DTNB: variants seen among roughly 807,000 people sequenced by gnomAD.
DTNB encodes dystrobrevin beta, also known as DTN-B.
Under a neutral mutation model 90.7 loss-of-function variants are expected in DTNB, and 63 were observed. The ratio of observed to expected loss-of-function variants is 0.69; its 90% CI spans 0.57 to 0.86. The LOEUF is 0.86. DTNB is among the 40% of genes least tolerant of loss of function. The pLI, the probability that DTNB is intolerant of heterozygous loss-of-function variation, is 0.00. For missense variants in DTNB, 744 were observed against 807.1 expected (o/e 0.92, Z 0.95); for synonymous variants, 277 against 286.7 (o/e 0.97, Z 0.34).
chr2:25,493,450 T>C (rs1243156893), intron 9 of DTNB, among the ~76,000 whole-genome samples: 1 of 152,160 alleles, frequency 6.6e-6, no homozygotes, highest in East Asian at 1.9e-4. Context: ...ACCCACCCTA[T>C]AGACTACCTC....
At chr2:25,468,625 A>T (rs894494503) in intron 10 of DTNB, among the ~76,000 whole-genome samples, 2 of 152,242 alleles carry the variant, frequency 1.3e-5, no homozygotes, top group South Asian at 4.1e-4. Flanking sequence ...AGGAGTAACA[A>T]GTTAAATCAG....
At chr2:25,409,938 A>G (rs529878972) in intron 16 of DTNB, among the ~76,000 whole-genome samples, 1 of 152,240 alleles carries the variant, frequency 6.6e-6, no homozygotes, top group South Asian at 2.1e-4. Context: ...GCTATGGGAC[A>G]TAATAGCATG....
In DTNB at chr2:25,432,913, G is replaced by T. The variant is rs762459940; in HGVS notation, c.1430C>A (p.Thr477Lys). 2 of 1,609,272 alleles carry T rather than the reference G, an allele frequency of 1.2e-6. No homozygotes were observed. Among genetic ancestry groups the T allele is most frequent in the East Asian group, 2.2e-5 (1 of 44,852 alleles). The change falls in exon 14 of 21, where the codon ACG becomes AAG. Residue 477 changes from threonine (T) to lysine (K), a missense_variant. Physicochemically the swap from Thr to Lys is moderately conservative, Grantham distance 78. Transcript: ENST00000406818. ...CAGCAGCCGCAGCTCTGCCAGCAGC[G>T]TGGGGTTCTGCTGTGCCTTCTCAGG... ...PTPEKAQQNP[T>K]LLAELRLLRQ...
chr2:25,484,077 T>C (rs2065581623), intron 9 of DTNB, among the ~76,000 whole-genome samples: 1 of 152,150 alleles, frequency 6.6e-6, no homozygotes, highest in Admixed American at 6.5e-5. Flanking sequence ...GGCTACACCA[T>C]ATAGCCTAGG....
chr2:25,606,550 T>C (rs1038319538), intron 5 of DTNB, among the ~76,000 whole-genome samples: 1 of 152,156 alleles, frequency 6.6e-6, no homozygotes, highest in Admixed American at 6.5e-5. Context: ...AAAATACATG[T>C]AAAGCACCTA....
At chr2:25,539,698 G>GT (rs2080741318) in intron 8 of DTNB, among the ~76,000 whole-genome samples, 2 of 149,852 alleles carry the variant, frequency 1.3e-5, no homozygotes, top group South Asian at 4.2e-4. Flanking sequence ...ACTCTGCTAT[G>GT]TTTTTGATGA....
intron 9 of DTNB, among the ~76,000 whole-genome samples, chr2:25,496,868 T>C (rs1575110746): frequency 6.7e-6 from 1 of 149,044 alleles, no homozygotes. Context: ...AAGATAATAG[T>C]GGGCTGCCCA....
intron 8 of DTNB, among the ~76,000 whole-genome samples, chr2:25,547,694 A>G (rs1321786008): frequency 6.6e-6 from 1 of 152,214 alleles, no homozygotes. Context: ...TTGGTTGGAT[A>G]CATTCCAATT....
At position 25,564,413 on chromosome 2, in the gene DTNB, C is replaced by G. The variant is rs1013738855; in HGVS notation, c.876+12425G>C. On this transcript the variant is annotated intron_variant, in intron 8 of 20. Coordinates refer to ENST00000406818, the MANE Select transcript of DTNB (RefSeq NM_021907.5). ...TTATTTTTTTTGAGATGGAGTCTCTCTCTGTCACCCACGATGGAGCACAGT... is the reference window on the plus strand; with the variant it reads ...TTATTTTTTTTGAGATGGAGTCTCTGTCTGTCACCCACGATGGAGCACAGT... Among the ~76,000 whole-genome samples, 9 of 152,214 alleles carry G rather than the reference C, an allele frequency of 5.9e-5. No homozygotes were observed. The East Asian group carries it at 1.5e-3, about 26-fold the overall frequency.
At chr2:25,668,930 A>G (rs1437148418) in intron 1 of DTNB, among the ~76,000 whole-genome samples, 2 of 152,248 alleles carry the variant, frequency 1.3e-5, no homozygotes, top group African/African-American at 4.8e-5. Flanking sequence ...ATACCATGGA[A>G]TATTATTCAG....
intron 4 of DTNB, among the ~76,000 whole-genome samples, chr2:25,610,778 T>C (rs1473816954): frequency 6.6e-6 from 1 of 152,052 alleles, no homozygotes; most frequent in East Asian, 1.9e-4. Flanking sequence ...GGTGTGATCT[T>C]GGCTCACTGT....
chr2:25,622,424 G>A (rs1190772861), intron 4 of DTNB, among the ~76,000 whole-genome samples: 1 of 152,146 alleles, frequency 6.6e-6, no homozygotes, highest in East Asian at 1.9e-4. Context: ...AGGTTGCAGT[G>A]AGCCAAGATT....
chr2:25,637,156 T>C (rs540242011), intron 3 of DTNB, among the ~76,000 whole-genome samples: 1 of 152,284 alleles, frequency 6.6e-6, no homozygotes, highest in East Asian at 1.9e-4. Context: ...GTTAGCCATA[T>C]GTCAAAAGCT....
chr2:25,611,086 C>T, intron 4 of DTNB, among the ~76,000 whole-genome samples: 1 of 152,214 alleles, frequency 6.6e-6, no homozygotes. Context: ...TGGAATCTTA[C>T]AGTATGCACT....
chr2:25,429,135 A>G (rs1205622724), intron 14 of DTNB, among the ~76,000 whole-genome samples: 3 of 152,198 alleles, frequency 2.0e-5, no homozygotes, highest in South Asian at 2.1e-4. Context: ...TAACATACAC[A>G]CTGGAATTCA....
chr2:25,604,510 G>T (rs750757443), intron 5 of DTNB, among the ~76,000 whole-genome samples: 6 of 151,970 alleles, frequency 3.9e-5, no homozygotes, highest in Non-Finnish European at 8.8e-5. Context: ...AGCCTCAAGT[G>T]ATCCTCCTGG....
intron 6 of DTNB, among the ~76,000 whole-genome samples, chr2:25,582,956 G>A (rs2061770387): frequency 6.6e-6 from 1 of 152,070 alleles, no homozygotes; most frequent in Admixed American, 6.6e-5. Context: ...AGTCAAAAGT[G>A]TCTATTCAAA....
intron 6 of DTNB, among the ~76,000 whole-genome samples, chr2:25,581,034 A>C (rs890097394): frequency 6.6e-6 from 1 of 152,232 alleles, no homozygotes; most frequent in Non-Finnish European, 1.5e-5. Flanking sequence ...TCCCATATAC[A>C]TTATTTTATT....
intron 8 of DTNB, among the ~76,000 whole-genome samples, chr2:25,537,570 A>G (rs1361280743): frequency 2.6e-5 from 4 of 152,248 alleles, no homozygotes; most frequent in Non-Finnish European, 5.9e-5. Context: ...TAAAAATTTT[A>G]AAACTATGTA....
Sources: gnomAD v4.1 joint callset for allele counts (sites outside exome capture counted in the v4.1 genomes callset) on GRCh38, gnomAD v4.1.1 for gene constraint, MANE v1.5 for transcripts, NCBI Gene and HGNC (gene_info 2026-07-23, HGNC 2026-07-21) for gene names.